DAPK1: variants seen among roughly 807,000 people sequenced by gnomAD.
DAPK1 encodes death-associated protein kinase 1.
DAPK1 carries 56 observed loss-of-function variants against 144.9 expected under a neutral mutation model. The observed-to-expected ratio is 0.39, with a 90% CI of 0.31 to 0.48. The LOEUF is 0.48. Ranked by LOEUF, DAPK1 falls within the 20% of genes least tolerant of loss-of-function variation. The probability of loss-of-function intolerance (pLI) is 0.95; values close to 1 mark genes in which losing one functional copy is unlikely to be tolerated. For missense variants in DAPK1, 1,454 were observed against 1,875.4 expected (o/e 0.78, Z 4.15); for synonymous variants, 690 against 749.0 (o/e 0.92, Z 1.29).
intron 2 of DAPK1, among the ~76,000 whole-genome samples, chr9:87,586,296 A>G (rs985592925): frequency 1.1e-4 from 16 of 152,174 alleles, no homozygotes; most frequent in Admixed American, 5.2e-4. Flanking sequence ...TCTCCAAGAA[A>G]GAGAAGAAAA....
At chr9:87,585,245 C>G (rs1338072463) in intron 2 of DAPK1, among the ~76,000 whole-genome samples, 1 of 152,066 alleles carries the variant, frequency 6.6e-6, no homozygotes, top group African/African-American at 2.4e-5. Context: ...GGGTCATATC[C>G]AAAAAGTCAT....
At chr9:87,537,222 G>C (rs549069624) in intron 2 of DAPK1, among the ~76,000 whole-genome samples, 1 of 152,138 alleles carries the variant, frequency 6.6e-6, no homozygotes, top group South Asian at 2.1e-4. Flanking sequence ...TCCTGCCCTC[G>C]TTATCCTCCT....
intron 2 of DAPK1, among the ~76,000 whole-genome samples, chr9:87,588,100 G>T (rs2118865840): frequency 6.6e-6 from 1 of 152,330 alleles, no homozygotes; most frequent in South Asian, 2.1e-4. Flanking sequence ...CTAGTAAATG[G>T]CAAAGCCAGG....
intron 4 of DAPK1, 73 bp from the exon 5 acceptor site, chr9:87,639,278 GAGA>G: frequency 8.7e-7 from 1 of 1,149,070 alleles, no homozygotes; most frequent in Non-Finnish European, 1.2e-6. Context: ...TTTTTTTGGA[GAGA>G]AGAACTATTC....
chr9:87,667,487 C>G (rs1651649856), intron 18 of DAPK1, among the ~76,000 whole-genome samples: 1 of 152,172 alleles, frequency 6.6e-6, no homozygotes, highest in Non-Finnish European at 1.5e-5. Flanking sequence ...CTAAGAGGCA[C>G]AAGACAGGCC....
In DAPK1 at chr9:87,647,320, G is replaced by A. The variant is rs12343465; in HGVS notation, c.1246G>A (p.Val416Ile). ...DVQDKGGSNA[V>I]YWAARHGHVD... ...TTTCCTGCAGGGCGGGTCCAATGCCGTCTACTGGGCTGCTCGGCATGGCCA... is the reference window on the plus strand; with the variant it reads ...TTTCCTGCAGGGCGGGTCCAATGCCATCTACTGGGCTGCTCGGCATGGCCA... Residue 416 changes from valine (V) to isoleucine (I), a missense_variant, in exon 14 of 26, where the codon GTC becomes ATC. Around this residue, in one of 2 missense-constraint regions of DAPK1, gnomAD observed 429 missense variants for 637.5 expected, o/e 0.67. Transcript: ENST00000408954. 28,034 of 1,613,974 alleles carry A rather than the reference G, an allele frequency of 0.017. 4,007 individuals are homozygous for A. In the African/African-American group the frequency reaches 0.32, roughly 18 times the overall value.
rs879661673 is a variant in DAPK1, at chr9:87,571,468, CA to C, written c.63-33485del. Reference sequence around the variant, plus strand: ...ACACACACACACACACACACACACACACACACCAACACACACACACACACAC... The same window carrying C: ...ACACACACACACACACACACACACACCACACCAACACACACACACACACAC... On this transcript the variant is annotated intron_variant, in intron 2 of 25. Coordinates refer to ENST00000408954, the MANE Select transcript of DAPK1 (RefSeq NM_004938.4). Among the ~76,000 whole-genome samples, 379 of 56,800 alleles carry C rather than the reference CA, an allele frequency of 6.7e-3. 19 individuals are homozygous for C. The highest frequency in any genetic ancestry group is 0.019 in the Middle Eastern group (2 of 106). 37.3% of individuals were successfully genotyped at this position (56,800 alleles called of 152,430 possible).
rs72447070 is a variant in DAPK1, at chr9:87,508,748, C to CTT, written c.62+9616_62+9617dup. Among the ~76,000 whole-genome samples, 130 of 151,962 alleles carry CTT rather than the reference C, an allele frequency of 8.6e-4. 1 individual carries two copies. Among genetic ancestry groups the CTT allele is most frequent in the African/African-American group, 3.0e-3 (125 of 41,428 alleles). ...TGTAGAGAAAGTCATCAATGCCATT[C>CTT]TTTTTTTTCCCCATTCATGAAAATG... is the stretch of plus-strand genomic sequence containing the variant. On this transcript the variant is annotated intron_variant, in intron 2 of 25. Transcript: ENST00000408954.
chr9:87,511,668 TTGTGTGTGTGTGTGTGTGTG>T (rs59377718), intron 2 of DAPK1, among the ~76,000 whole-genome samples: 1 of 140,636 alleles, frequency 7.1e-6, no homozygotes, highest in African/African-American at 2.7e-5. Context: ...TCTTTTTCTT[TTGTGTGTGTGTGTGTGTGTG>T]TGTGTGTGTG....
At chr9:87,672,199 A>G (rs545375486) in intron 19 of DAPK1, among the ~76,000 whole-genome samples, 1 of 152,226 alleles carries the variant, frequency 6.6e-6, no homozygotes, top group African/African-American at 2.4e-5. Context: ...TGTGAGGTGC[A>G]GCAGTGGCCC....
At chr9:87,599,819 G>T (rs1828447924) in intron 2 of DAPK1, among the ~76,000 whole-genome samples, 1 of 152,118 alleles carries the variant, frequency 6.6e-6, no homozygotes, top group African/African-American at 2.4e-5. Flanking sequence ...GAAATCCAGG[G>T]TTACCTTCTT....
intron 2 of DAPK1, among the ~76,000 whole-genome samples, chr9:87,564,623 AGAGG>A (rs1382569541): frequency 6.7e-6 from 1 of 148,976 alleles, no homozygotes; most frequent in South Asian, 2.2e-4. Flanking sequence ...GGAAGGAGCA[AGAGG>A]GAGGGAGGGA....
rs192536294 is a variant in DAPK1, at chr9:87,512,395, C to T, written c.62+13256C>T. On this transcript the variant is annotated intron_variant, in intron 2 of 25. Transcript: ENST00000408954. ...CAGCATGTCAGACAGACAGCAGATC[C>T]TGAAGCTCCATTCAGTTGTGACATG... Among the ~76,000 whole-genome samples the T allele has an allele frequency of 1.1e-3, 175 of 152,286 alleles. 3 individuals are homozygous for T. The highest frequency in any genetic ancestry group is 4.1e-4 in the South Asian group (2 of 4,830).
rs114540824 is a variant in DAPK1 at position 87,602,179 on chromosome 9, A to G, written c.63-2775A>G. Among the ~76,000 whole-genome samples, 740 of 152,230 alleles carry G rather than the reference A, an allele frequency of 4.9e-3. 9 individuals are homozygous for G. Among genetic ancestry groups the G allele is most frequent in the African/African-American group, 0.017 (691 of 41,526 alleles). On this transcript the variant is annotated intron_variant, in intron 2 of 25. Transcript: ENST00000408954. Reference sequence around the variant, plus strand: ...AGGGAACGGTATCTTAAAAGAGGTGACATTGCAGTAGGTCTAGAACAAGTT... The same window carrying G: ...AGGGAACGGTATCTTAAAAGAGGTGGCATTGCAGTAGGTCTAGAACAAGTT...
chr9:87,576,615 T>TGGC (rs1470545799), intron 2 of DAPK1, among the ~76,000 whole-genome samples: 1 of 152,168 alleles, frequency 6.6e-6, no homozygotes, highest in Admixed American at 6.5e-5. Context: ...TGGAGTGCAA[T>TGGC]GGCGCTATCT....
chr9:87,707,883 C>T lies in DAPK1; in HGVS notation c.*519C>T. ...TCCCACTGTATGATTTATAAACAGA[C>T]AATATGTGAGTGCCTTTTGCAGAAG... On this transcript the variant is annotated 3_prime_UTR_variant, in exon 26 of 26. Coordinates refer to ENST00000408954, the MANE Select transcript of DAPK1 (RefSeq NM_004938.4). The surrounding 1 kb of genome is among the most constrained non-coding windows in gnomAD (Gnocchi z 4.0). 1 of 456,402 alleles carries T rather than the reference C, an allele frequency of 2.2e-6. No homozygotes were observed. Among genetic ancestry groups the T allele is most frequent in the Non-Finnish European group, 4.4e-6 (1 of 226,968 alleles). The allele number at this position is 456,402 out of a possible 1,614,324, so 28.3% of individuals were successfully genotyped here.
At chr9:87,560,147 C>T (rs1329307985) in intron 2 of DAPK1, among the ~76,000 whole-genome samples, 2 of 144,190 alleles carry the variant, frequency 1.4e-5, no homozygotes, top group Non-Finnish European at 3.0e-5. Flanking sequence ...CATGCCACCA[C>T]GCCTGGCTAA....
At chr9:87,544,954 T>C (rs1306963523) in intron 2 of DAPK1, among the ~76,000 whole-genome samples, 1 of 152,134 alleles carries the variant, frequency 6.6e-6, no homozygotes, top group African/African-American at 2.4e-5. Context: ...GTCCCCACCC[T>C]CTCACAGACA....
chr9:87,674,893 G>A (rs1047994132), intron 19 of DAPK1, among the ~76,000 whole-genome samples: 2 of 152,220 alleles, frequency 1.3e-5, no homozygotes, highest in Admixed American at 1.3e-4. Flanking sequence ...ATTTACCAGG[G>A]CTTCAAAGAG....
Sources: gnomAD v4.1 joint callset for allele counts (sites outside exome capture counted in the v4.1 genomes callset) on GRCh38, gnomAD v4.1.1 for gene constraint, gnomAD v4.1.1 regional missense constraint, Gnocchi (gnomAD v3.1) non-coding constraint, MANE v1.5 for transcripts, NCBI Gene and HGNC (gene_info 2026-07-23, HGNC 2026-07-21) for gene names.